The following COL4A2 variants were observed in gnomAD, a reference collection of about 807,000 sequenced individuals.
COL4A2 encodes collagen type IV alpha 2 chain.
Under a neutral mutation model 200.2 loss-of-function variants are expected in COL4A2, and 99 were observed. The ratio of observed to expected loss-of-function variants is 0.49; its 90% CI spans 0.42 to 0.58. COL4A2 has a LOEUF of 0.58. COL4A2 is among the 20% of genes least tolerant of loss of function. COL4A2 has a pLI of 0.00. For missense variants in COL4A2, 1,950 were observed against 2,314.1 expected (o/e 0.84, Z 3.23); for synonymous variants, 897 against 900.6 (o/e 1.00, Z 0.07).
chr13:110,475,415 T>G (rs1882669922), intron 29 of COL4A2, among the ~76,000 whole-genome samples: 1 of 152,184 alleles, frequency 6.6e-6, no homozygotes, highest in Non-Finnish European at 1.5e-5. Context: ...GCTGTCAAAA[T>G]CCTGCCCCAA....
At chr13:110,359,934 C>G (rs1474920060) in intron 4 of COL4A2, among the ~76,000 whole-genome samples, 2 of 152,238 alleles carry the variant, frequency 1.3e-5, no homozygotes, top group African/African-American at 4.8e-5. Context: ...AAGCATTCCT[C>G]TGCCTGCTGT....
intron 11 of COL4A2, among the ~76,000 whole-genome samples, chr13:110,433,604 G>A (rs558820685): frequency 4.7e-4 from 71 of 152,308 alleles, no homozygotes; most frequent in African/African-American, 1.6e-3. Context: ...TGGAGGGGGC[G>A]GACGGTAGAC....
intron 4 of COL4A2, among the ~76,000 whole-genome samples, chr13:110,374,989 C>T (rs1021805072): frequency 6.6e-6 from 1 of 152,128 alleles, no homozygotes; most frequent in Non-Finnish European, 1.5e-5. Context: ...CTTATAGCTC[C>T]TGGTTTTAAG....
At chr13:110,348,889 G>A (rs894933769) in intron 3 of COL4A2, among the ~76,000 whole-genome samples, 51 of 152,246 alleles carry the variant, frequency 3.3e-4, no homozygotes, top group South Asian at 4.1e-4. Flanking sequence ...AGACTTCCTT[G>A]GACAAGAAGT....
chr13:110,445,312 G>C (rs116939488), intron 16 of COL4A2, among the ~76,000 whole-genome samples: 1 of 152,280 alleles, frequency 6.6e-6, no homozygotes, highest in Non-Finnish European at 1.5e-5. Flanking sequence ...AAAGCAACCC[G>C]ACACTCATAT....
chr13:110,435,241 A>C (rs190534566), intron 12 of COL4A2, among the ~76,000 whole-genome samples: 25 of 152,354 alleles, frequency 1.6e-4, no homozygotes, highest in Admixed American at 1.6e-3. Context: ...GGGAAAAAAA[A>C]GAAAGAAAAA....
intron 3 of COL4A2, among the ~76,000 whole-genome samples, chr13:110,322,992 A>G (rs890631360): frequency 9.2e-5 from 14 of 152,228 alleles, no homozygotes; most frequent in African/African-American, 3.1e-4. Flanking sequence ...GCGTGTTGCC[A>G]TCTCCTTTTT....
At chr13:110,340,999 A>C (rs1876424179) in intron 3 of COL4A2, 1 of 151,890 alleles carries the variant, frequency 6.6e-6, no homozygotes, top group South Asian at 2.1e-4. Flanking sequence ...TCAGTGTTTG[A>C]CTGTTTATGG....
chr13:110,488,083 A>G (rs1349042601), intron 34 of COL4A2, among the ~76,000 whole-genome samples: 3 of 152,030 alleles, frequency 2.0e-5, no homozygotes, highest in Non-Finnish European at 4.4e-5. Context: ...CTGGAGTGCA[A>G]TGGCATGATC....
intron 3 of COL4A2, among the ~76,000 whole-genome samples, chr13:110,352,643 C>T (rs1877013985): frequency 1.3e-5 from 2 of 152,120 alleles, no homozygotes; most frequent in African/African-American, 4.8e-5. Flanking sequence ...TGTGAGGTGT[C>T]CTCTCACTGG....
At position 110,462,366 on chromosome 13, in the gene COL4A2, C is replaced by T. The variant is rs765662785; in HGVS notation, c.1758C>T (p.Pro586=). ...SPGRDGLDGF[P]GLPGPPGDGI... ...GCCGCGATGGGCTCGATGGATTCCC[C>T]GGCCTCCCAGGCCCTCCCGTGAGTA... The change falls in exon 24 of 48, where the codon CCC becomes CCT. Residue 586 remains proline, a synonymous_variant. Coordinates refer to ENST00000360467, the MANE Select transcript of COL4A2 (RefSeq NM_001846.4). 3.6e-5 allele frequency: 58 copies of T among 1,613,382 alleles called. No individual in the cohort carries two copies. Among genetic ancestry groups the T allele is most frequent in the South Asian group, 9.9e-5 (9 of 91,082 alleles).
chr13:110,482,528 C>T lies in COL4A2; in HGVS notation c.2771C>T (p.Ser924Leu), dbSNP rs1240694748. Residue 924 changes from serine (S) to leucine (L), a missense_variant, in exon 32 of 48, where the codon TCA (serine) becomes TTA (leucine). Around this residue, in one of 2 missense-constraint regions of COL4A2, gnomAD observed 1,385 missense variants for 1,720.5 expected, o/e 0.80. Coordinates refer to ENST00000360467, the MANE Select transcript of COL4A2 (RefSeq NM_001846.4). Reference sequence around the variant, plus strand: ...TTTTCCTCTGAAGGAGATAGAGGCTCACCTGGGATGGATGGTTTCCAAGGC... The same window carrying T: ...TTTTCCTCTGAAGGAGATAGAGGCTTACCTGGGATGGATGGTTTCCAAGGC... ...GTPGLKGDRG[S>L]PGMDGFQGMP... 2.5e-6 allele frequency: 4 copies of T among 1,614,146 alleles called. No homozygotes were observed. The highest frequency in any genetic ancestry group is 2.2e-5 in the East Asian group (1 of 44,880).
chr13:110,408,848 T>C (rs118095101), intron 4 of COL4A2, among the ~76,000 whole-genome samples: 6 of 18,830 alleles, frequency 3.2e-4, no homozygotes, highest in East Asian at 2.6e-3. Context: ...CACGCACACA[T>C]ATACACACAT....
rs770230426 is a variant in COL4A2 at position 110,478,064 on chromosome 13, C to T, written c.2487C>T (p.Ser829=). ...LKGQPGLPGP[S]GQPGLYGPPG... ...GCCAGCCAGGCCTCCCAGGACCTTC[C>T]GGCCAGCCAGGCCTGTATGGGCCTC... Residue 829 remains serine, a synonymous_variant, in exon 30 of 48, where the codon TCC becomes TCT. Coordinates refer to ENST00000360467, the MANE Select transcript of COL4A2 (RefSeq NM_001846.4). 16 of 1,605,158 alleles carry T rather than the reference C, an allele frequency of 1.0e-5. No homozygotes were observed. The highest frequency in any genetic ancestry group is 4.0e-5 in the African/African-American group (3 of 74,702).
At chr13:110,400,360 C>T (rs897477387) in intron 4 of COL4A2, among the ~76,000 whole-genome samples, 15 of 152,184 alleles carry the variant, frequency 9.9e-5, no homozygotes, top group African/African-American at 2.9e-4. Context: ...TTTGGTCAGA[C>T]GGAAATGTTC....
chr13:110,479,840 T>C (rs1250165269), intron 30 of COL4A2, among the ~76,000 whole-genome samples: 1 of 152,182 alleles, frequency 6.6e-6, no homozygotes, highest in Non-Finnish European at 1.5e-5. Context: ...AACTCCGGGC[T>C]GGAGCCAGTG....
At chr13:110,402,180 A>G (rs1879394463) in intron 4 of COL4A2, among the ~76,000 whole-genome samples, 1 of 152,174 alleles carries the variant, frequency 6.6e-6, no homozygotes, top group Non-Finnish European at 1.5e-5. Flanking sequence ...CCACAGTCTC[A>G]TCTAAATATC....
At chr13:110,336,010 A>G (rs1876167162) in intron 3 of COL4A2, among the ~76,000 whole-genome samples, 1 of 152,218 alleles carries the variant, frequency 6.6e-6, no homozygotes, top group Admixed American at 6.5e-5. Flanking sequence ...GTGGATGGCC[A>G]CTTCATTACT....
intron 3 of COL4A2, among the ~76,000 whole-genome samples, chr13:110,337,531 G>T (rs144312318): frequency 6.6e-6 from 1 of 152,346 alleles, no homozygotes; most frequent in Non-Finnish European, 1.5e-5. Flanking sequence ...GTCAGAGGGC[G>T]GATGTACTGG....
Sources: allele counts gnomAD v4.1 joint callset (sites outside exome capture counted in the v4.1 genomes callset), GRCh38; gene constraint gnomAD v4.1.1; regional missense constraint gnomAD v4.1.1; transcripts MANE v1.5; gene names NCBI Gene and HGNC (gene_info 2026-07-23, HGNC 2026-07-21).